The following AKAP13 variants were observed in gnomAD, a reference collection of about 807,000 sequenced individuals.
AKAP13 encodes the protein A-kinase anchoring protein 13.
A neutral mutation model predicts 264.5 loss-of-function variants in AKAP13; 80 were observed. The ratio of observed to expected loss-of-function variants is 0.30; its 90% CI spans 0.25 to 0.36. The LOEUF (loss-of-function observed/expected upper bound fraction) is 0.36, where lower values mean the gene tolerates loss of function less well. Ranked by LOEUF, AKAP13 falls within the 10% of genes least tolerant of loss-of-function variation. AKAP13 has a pLI of 1.00. For missense variants in AKAP13, 3,712 were observed against 3,435.2 expected (o/e 1.08, Z -2.01); for synonymous variants, 1,380 against 1,250.2 (o/e 1.10, Z -2.19).
At chr15:85,705,426 A>C (rs2086174094) in intron 17 of AKAP13, among the ~76,000 whole-genome samples, 2 of 152,200 alleles carry the variant, frequency 1.3e-5, no homozygotes, top group African/African-American at 4.8e-5. Flanking sequence ...TAGGTGCCTA[A>C]AATATTATAG....
At chr15:85,398,114 T>C (rs1302601394) in intron 1 of AKAP13, among the ~76,000 whole-genome samples, 1 of 152,210 alleles carries the variant, frequency 6.6e-6, no homozygotes, top group African/African-American at 2.4e-5. Flanking sequence ...CTGCTCAGCA[T>C]TCCTCATTCT....
chr15:85,595,968 G>A (rs930991441), intron 8 of AKAP13, among the ~76,000 whole-genome samples: 1 of 152,246 alleles, frequency 6.6e-6, no homozygotes, highest in African/African-American at 2.4e-5. Flanking sequence ...CATTGAAAGT[G>A]TGTGTTCTCC....
At chr15:85,743,401 A>C in intron 35 of AKAP13, 91 bp from the exon 36 acceptor site, 1 of 1,390,852 alleles carries the variant, frequency 7.2e-7, no homozygotes, top group East Asian at 2.3e-5. Context: ...CCCAGCCAGC[A>C]CACCCAGTTG....
chr15:85,585,770 G>A lies in AKAP13; in HGVS notation c.4108G>A (p.Val1370Ile), dbSNP rs755190289. ...AAGTTCAATTTCTGAAGAAGTGGCT[G>A]TAGGGAGCATAGCTGCTACACTGAA... ...RASSISEEVA[V>I]GSIAATLKMK... The change falls in exon 8 of 37, where the codon GTA (valine) becomes ATA (isoleucine). Residue 1370 changes from valine (V) to isoleucine (I), a missense_variant. Transcript: ENST00000394518. 6.2e-7 allele frequency: 1 copy of A among 1,614,046 alleles called. No homozygotes were observed. Among genetic ancestry groups the A allele is most frequent in the African/African-American group, 1.3e-5 (1 of 74,934 alleles).
At chr15:85,532,151 G>A (rs564888092) in intron 3 of AKAP13, among the ~76,000 whole-genome samples, 2 of 152,304 alleles carry the variant, frequency 1.3e-5, no homozygotes, top group African/African-American at 4.8e-5. Context: ...CGTGTGCTAG[G>A]TACTTGCTTG....
chr15:85,512,322 G>T (rs1214144519), intron 2 of AKAP13, among the ~76,000 whole-genome samples: 1 of 152,084 alleles, frequency 6.6e-6, no homozygotes, highest in Non-Finnish European at 1.5e-5. Flanking sequence ...TTGGGTTTGG[G>T]TTTACCGTGA....
intron 2 of AKAP13, among the ~76,000 whole-genome samples, chr15:85,511,380 G>C (rs2076414069): frequency 1.3e-5 from 2 of 152,158 alleles, no homozygotes; most frequent in Non-Finnish European, 2.9e-5. Flanking sequence ...TTTCAGATCT[G>C]ACTGGCCAGG....
At position 85,590,107 on chromosome 15, in the gene AKAP13, T is replaced by C. The variant is rs145878441; in HGVS notation, c.4161+4284T>C. ...TGATCTTTCTGCCACATACCCCGTC[T>C]ATGTGTGTGCCTTGGGAATAGGCCA... On this transcript the variant is annotated intron_variant, in intron 8 of 36. Coordinates refer to ENST00000394518, the MANE Select transcript of AKAP13 (RefSeq NM_007200.5). Among the ~76,000 whole-genome samples the C allele has an allele frequency of 6.3e-3, 962 of 152,354 alleles. 11 individuals are homozygous for C. The highest frequency in any genetic ancestry group is 0.022 in the African/African-American group (901 of 41,580).
At chr15:85,506,854 C>T (rs1384682059) in intron 2 of AKAP13, among the ~76,000 whole-genome samples, 1 of 152,180 alleles carries the variant, frequency 6.6e-6, no homozygotes, top group Admixed American at 6.5e-5. Context: ...CTTGGCACTG[C>T]TTTATGCCCA....
intron 5 of AKAP13, among the ~76,000 whole-genome samples, chr15:85,544,512 T>G (rs2077670267): frequency 6.6e-6 from 1 of 152,232 alleles, no homozygotes; most frequent in Non-Finnish European, 1.5e-5. Context: ...TGAATTGTCC[T>G]GGAAATGTGC....
intron 5 of AKAP13, among the ~76,000 whole-genome samples, chr15:85,562,871 G>GTTTTTTTT: frequency 7.5e-6 from 1 of 133,910 alleles, no homozygotes; most frequent in African/African-American, 2.8e-5. Flanking sequence ...GGTTTTTTTT[G>GTTTTTTTT]TTTTTTTTTT....
At chr15:85,661,920 C>T (rs1237711105) in intron 12 of AKAP13, among the ~76,000 whole-genome samples, 1 of 129,746 alleles carries the variant, frequency 7.7e-6, no homozygotes, top group Non-Finnish European at 1.7e-5. Flanking sequence ...AAAAAAAAAA[C>T]CGGATGACTC....
intron 8 of AKAP13, among the ~76,000 whole-genome samples, chr15:85,630,166 TAC>T (rs59852934): frequency 0.078 from 7,824 of 100,044 alleles, 274 homozygotes; most frequent in African/African-American, 0.094. Flanking sequence ...TTTTAACACA[TAC>T]ACACACACAC....
rs1457823389 is a variant in AKAP13 at position 85,730,626 on chromosome 15, C to G, written c.7201C>G (p.His2401Asp). ...TCTCCCAGAGGATTGCTCCCCAACACATAGCCCTAGAGTTCTCTTCCGCTC... is the reference window on the plus strand; with the variant it reads ...TCTCCCAGAGGATTGCTCCCCAACAGATAGCCCTAGAGTTCTCTTCCGCTC... The part of the protein sequence containing the change: ...TPLPEDCSPT[H>D]SPRVLFRSNT... The change falls in exon 30 of 37, where the codon CAT (histidine) becomes GAT (aspartate). Residue 2401 changes from histidine to aspartate, a missense_variant. Physicochemically the swap from His to Asp is moderately conservative, Grantham distance 81 (BLOSUM62 -1). Coordinates refer to ENST00000394518, the MANE Select transcript of AKAP13 (RefSeq NM_007200.5). The G allele has an allele frequency of 6.2e-7, 1 of 1,614,194 alleles. No homozygotes were observed. The highest frequency in any genetic ancestry group is 1.1e-5 in the South Asian group (1 of 91,084).
rs374061085 is a variant in AKAP13 at position 85,581,897 on chromosome 15, C to A, written c.3829C>A (p.His1277Asn). The A allele has an allele frequency of 6.2e-7, 1 of 1,614,144 alleles. No individual in the cohort carries two copies. Among genetic ancestry groups the A allele is most frequent in the South Asian group, 1.1e-5 (1 of 91,080 alleles). ...GALLTEGEAC[H>N]MSLSSPELGP... ...ACTGCTTACTGAGGGGGAGGCCTGT[C>A]ACATGTCACTGTCCAGCCCTGAGTT... The change falls in exon 7 of 37, where the codon CAC becomes AAC. Residue 1277 changes from histidine to asparagine, a missense_variant. By Grantham distance (68) the His-to-Asn change is moderately conservative (BLOSUM62 1). Transcript: ENST00000394518.
chr15:85,492,718 C>G (rs2151073925), intron 2 of AKAP13, among the ~76,000 whole-genome samples: 1 of 152,298 alleles, frequency 6.6e-6, no homozygotes, highest in South Asian at 2.1e-4. Flanking sequence ...GCACCCTTTT[C>G]CTTTTTCAAT....
In AKAP13 at chr15:85,409,693, C is replaced by T. The variant is rs1012666707; in HGVS notation, c.-12+28895C>T. 7.6e-5 allele frequency among the ~76,000 whole-genome samples: 11 copies of T among 145,166 alleles called. No individual in the cohort carries two copies. The South Asian group carries it at 1.3e-3, about 17-fold the overall frequency. On this transcript the variant is annotated intron_variant, in intron 1 of 36. Coordinates refer to ENST00000394518, the MANE Select transcript of AKAP13 (RefSeq NM_007200.5). ...TCGCCCAGGCTGGAGTGCAGCGGTG[C>T]GATCTCGGCTCACTGCAAGCTCCGC...
intron 1 of AKAP13, among the ~76,000 whole-genome samples, chr15:85,430,369 C>A (rs913045533): frequency 3.9e-5 from 6 of 152,144 alleles, no homozygotes; most frequent in East Asian, 1.9e-4. Flanking sequence ...ACTTGTCTTT[C>A]CTAAGCATTT....
At position 85,715,860 on chromosome 15, in the gene AKAP13, C is replaced by G; in HGVS notation, c.5672C>G (p.Ala1891Gly). ...VDETATTPIF[A>G]NRRSQQSVSL... Reference sequence around the variant, plus strand: ...GAAACCGCTACCACCCCAATATTTGCCAATAGACGATCCCAGCAGAGTGTC... The same window carrying G: ...GAAACCGCTACCACCCCAATATTTGGCAATAGACGATCCCAGCAGAGTGTC... Residue 1891 changes from alanine (A) to glycine (G), a missense_variant, in exon 20 of 37, where the codon GCC becomes GGC. Physicochemically the swap from Ala to Gly is moderately conservative, Grantham distance 60. Coordinates refer to ENST00000394518, the MANE Select transcript of AKAP13 (RefSeq NM_007200.5). 6.2e-7 allele frequency: 1 copy of G among 1,613,544 alleles called. No individual in the cohort carries two copies. The highest frequency in any genetic ancestry group is 8.5e-7 in the Non-Finnish European group (1 of 1,179,926).
Sources: gnomAD v4.1 joint callset for allele counts (sites outside exome capture counted in the v4.1 genomes callset) on GRCh38, gnomAD v4.1.1 for gene constraint, MANE v1.5 for transcripts, NCBI Gene and HGNC (gene_info 2026-07-23, HGNC 2026-07-21) for gene names.